Variants in RAB3GAP2 observed in about 807,000 individuals in gnomAD.
RAB3GAP2 encodes rab3 GTPase-activating protein non-catalytic subunit.
In RAB3GAP2, 87 loss-of-function variants were observed where a neutral mutation model predicts 185.3. That is an observed-to-expected ratio of 0.47 (90% CI 0.39 to 0.56). The LOEUF (loss-of-function observed/expected upper bound fraction) is 0.56. Among genes scored for constraint, RAB3GAP2 ranks in the 20% least tolerant of loss-of-function variants. The pLI is 0.00. For missense variants in RAB3GAP2, 1,492 were observed against 1,638.2 expected (o/e 0.91, Z 1.54); for synonymous variants, 554 against 576.1 (o/e 0.96, Z 0.55).
At chr1:220,159,189 A>T (rs1043013395) in intron 29 of RAB3GAP2, among the ~76,000 whole-genome samples, 197 bp downstream of exon 29, 4 of 152,224 alleles carry the variant, frequency 2.6e-5, no homozygotes, top group Admixed American at 6.5e-5. Flanking sequence ...CTATCTAACA[A>T]TCTGGAAAAG....
In RAB3GAP2 at chr1:220,167,630, A is replaced by T. The variant is rs1251539896; in HGVS notation, c.2852T>A (p.Phe951Tyr). The T allele has an allele frequency of 6.2e-7, 1 of 1,613,960 alleles. No individual in the cohort carries two copies. The highest frequency in any genetic ancestry group is 1.3e-5 in the African/African-American group (1 of 74,924). The change falls in exon 25 of 35, where the codon TTC (phenylalanine) becomes TAC (tyrosine). Residue 951 changes from phenylalanine to tyrosine, a missense_variant. Phe to Tyr is a conservative substitution (Grantham distance 22). This residue lies in a region of RAB3GAP2 where 681 missense variants were observed against 689.1 expected (regional missense o/e 0.99). Transcript: ENST00000358951. ...AGCCAGTTTTAATACTTCAGGGCTG[A>T]AGTCCTGTTTAAATATCCACTTGGC... ...SVAKWIFKQD[F>Y]SPEVLKLANE...
At chr1:220,232,509 C>G (rs959573739) in intron 2 of RAB3GAP2, among the ~76,000 whole-genome samples, 3 of 152,182 alleles carry the variant, frequency 2.0e-5, no homozygotes, top group Non-Finnish European at 4.4e-5. Flanking sequence ...GGCCCCTGAT[C>G]CTGGACTTCC....
At chr1:220,267,001 T>C (rs974308216) in intron 1 of RAB3GAP2, 4 of 1,611,266 alleles carry the variant, frequency 2.5e-6, no homozygotes, top group Middle Eastern at 1.7e-4. Context: ...CTTCTCATCA[T>C]GCATCCGACC....
intron 4 of RAB3GAP2, 98 bp from the exon 5 acceptor site, chr1:220,211,100 A>G: frequency 8.7e-7 from 1 of 1,151,048 alleles, no homozygotes; most frequent in Middle Eastern, 2.8e-4. Flanking sequence ...CTGGAAGATG[A>G]CTTCTGTGAA....
intron 9 of RAB3GAP2, 118 bp from the exon 10 acceptor site, chr1:220,196,516 T>C: frequency 9.4e-7 from 1 of 1,063,176 alleles, no homozygotes; most frequent in Non-Finnish European, 1.4e-6. Flanking sequence ...AAAAGTCATT[T>C]TAAAAGCTAC....
intron 1 of RAB3GAP2, among the ~76,000 whole-genome samples, chr1:220,264,179 C>CA (rs1193185381): frequency 6.6e-6 from 1 of 151,654 alleles, no homozygotes; most frequent in Admixed American, 6.6e-5. Context: ...ACTCTCTCTG[C>CA]AAAAAAGGAT....
chr1:220,239,619 A>C (rs1659655044), intron 1 of RAB3GAP2, among the ~76,000 whole-genome samples: 1 of 152,240 alleles, frequency 6.6e-6, no homozygotes, highest in South Asian at 2.1e-4. Flanking sequence ...ATAATTAAAA[A>C]GCACAATTTC....
intron 9 of RAB3GAP2, among the ~76,000 whole-genome samples, chr1:220,197,802 G>A (rs539648420): frequency 6.6e-6 from 1 of 152,148 alleles, no homozygotes; most frequent in South Asian, 2.1e-4. Flanking sequence ...CTAATTTATT[G>A]TAAGGAAATG....
At chr1:220,227,659 C>G (rs1233845546) in intron 2 of RAB3GAP2, among the ~76,000 whole-genome samples, 1 of 152,146 alleles carries the variant, frequency 6.6e-6, no homozygotes. Context: ...TCCGTAACAC[C>G]CGACTAATGC....
At chr1:220,202,709 G>A (rs961977430) in intron 8 of RAB3GAP2, among the ~76,000 whole-genome samples, 3 of 152,148 alleles carry the variant, frequency 2.0e-5, no homozygotes, top group East Asian at 3.9e-4. Context: ...TTGGGAGGCC[G>A]AGGCAGGCAG....
chr1:220,218,025 T>C (rs925060479), intron 2 of RAB3GAP2, among the ~76,000 whole-genome samples: 1 of 152,192 alleles, frequency 6.6e-6, no homozygotes, highest in African/African-American at 2.4e-5. Context: ...TAGATGTCAC[T>C]TGCTTGGAAG....
intron 4 of RAB3GAP2, 84 bp from the exon 5 acceptor site, chr1:220,211,086 A>T: frequency 7.5e-7 from 1 of 1,337,440 alleles, no homozygotes; most frequent in South Asian, 1.2e-5. Flanking sequence ...TTAAAGGATA[A>T]TAACTGGAAG....
intron 2 of RAB3GAP2, among the ~76,000 whole-genome samples, chr1:220,230,461 T>C (rs924792010): frequency 6.6e-6 from 1 of 152,168 alleles, no homozygotes; most frequent in Non-Finnish European, 1.5e-5. Context: ...AGTAACCAAA[T>C]TCCCTGAGCT....
In RAB3GAP2 at chr1:220,172,662, C is replaced by T; in HGVS notation, c.2391G>A (p.Met797Ile). 1.2e-6 allele frequency: 2 copies of T among 1,611,826 alleles called. No individual in the cohort carries two copies. The highest frequency in any genetic ancestry group is 1.7e-4 in the Middle Eastern group (1 of 6,060). ...CTTTCATCTTGCTCAGGAGGGACAG[C>T]ATGGTATGAAGACAGCAGATTGACT... is the stretch of plus-strand genomic sequence containing the variant. Reference protein sequence around the residue: ...KPQSICCLHTMLSLLSKMKVA... With the variant: ...KPQSICCLHTILSLLSKMKVA... Residue 797 changes from methionine (M) to isoleucine (I), a missense_variant, in exon 22 of 35, where the codon ATG becomes ATA. Physicochemically the swap from Met to Ile is conservative, Grantham distance 10. Transcript: ENST00000358951.
At chr1:220,185,901 TTAAG>T (rs1235469456) in intron 17 of RAB3GAP2, among the ~76,000 whole-genome samples, 160 bp from the exon 18 acceptor site, 2 of 152,312 alleles carry the variant, frequency 1.3e-5, no homozygotes, top group South Asian at 2.1e-4. Flanking sequence ...AGTTGCGTTG[TTAAG>T]TAATATACAA....
Position 220,182,703 on chromosome 1 carries a change from T to A in RAB3GAP2, c.2212+15A>T, listed in dbSNP as rs375627012. 1.7e-4 allele frequency: 265 copies of A among 1,543,566 alleles called. No individual in the cohort carries two copies. The Middle Eastern group carries it at 2.6e-3, about 15-fold the overall frequency. On this transcript the variant is annotated intron_variant, in intron 20 of 34. Coordinates refer to ENST00000358951, the MANE Select transcript of RAB3GAP2 (RefSeq NM_012414.4). ...AAGAAGAGGCATACAAAGACCAGTG[T>A]ATTATTTTACCTACCTAAAGCCACA...
At chr1:220,217,417 C>A (rs1053986889) in intron 2 of RAB3GAP2, among the ~76,000 whole-genome samples, 5 of 151,956 alleles carry the variant, frequency 3.3e-5, no homozygotes, top group Non-Finnish European at 7.4e-5. Flanking sequence ...TTTAAAAATA[C>A]TTTCCCTCTC....
chr1:220,156,242 T>C (rs73098540), intron 31 of RAB3GAP2, among the ~76,000 whole-genome samples: 8,404 of 152,208 alleles, frequency 0.055, 302 homozygotes, highest in African/African-American at 0.1. Flanking sequence ...TGAGCCACCA[T>C]GACTGTCCGG....
chr1:220,267,537 T>C (rs938598320), intron 1 of RAB3GAP2: 64 of 1,361,408 alleles, frequency 4.7e-5, no homozygotes, highest in African/African-American at 1.0e-4. Context: ...CCAAAGCCCA[T>C]TGCCTCTTTT....
Sources: gnomAD v4.1 joint callset for allele counts (sites outside exome capture counted in the v4.1 genomes callset) on GRCh38, gnomAD v4.1.1 for gene constraint, gnomAD v4.1.1 regional missense constraint, MANE v1.5 for transcripts, NCBI Gene and HGNC (gene_info 2026-07-23, HGNC 2026-07-21) for gene names.